KLHL32: variants seen among roughly 807,000 people sequenced by gnomAD.
KLHL32 encodes the protein kelch-like protein 32.
In KLHL32, 35 loss-of-function variants were observed where a neutral mutation model predicts 64.8. That is an observed-to-expected ratio of 0.54 (90% confidence interval 0.41 to 0.72). The LOEUF (loss-of-function observed/expected upper bound fraction) is 0.72. Ranked by LOEUF, KLHL32 falls within the 30% of genes least tolerant of loss-of-function variation. The pLI is 0.00. For synonymous variants in KLHL32, 259 were observed against 281.0 expected (o/e 0.92, Z 0.78); for missense variants, 589 against 768.5 (o/e 0.77, Z 2.76).
chr6:96,988,546 C>T (rs78227490), intron 3 of KLHL32, among the ~76,000 whole-genome samples: 2,454 of 152,162 alleles, frequency 0.016, 24 homozygotes, highest in Admixed American at 0.027. Context: ...GTCAGTGTGG[C>T]GATTCCTCAG....
intron 6 of KLHL32, among the ~76,000 whole-genome samples, chr6:97,104,180 T>C (rs1295318435): frequency 6.6e-6 from 1 of 152,228 alleles, no homozygotes; most frequent in Non-Finnish European, 1.5e-5. Flanking sequence ...AAATCCTCTT[T>C]TGTTATTGTT....
At chr6:96,931,276 T>C (rs1769852661) in intron 1 of KLHL32, among the ~76,000 whole-genome samples, 1 of 152,226 alleles carries the variant, frequency 6.6e-6, no homozygotes. Context: ...TTCTTCTGTG[T>C]TGAAATATCA....
chr6:97,040,124 A>G (rs1213537520), intron 3 of KLHL32, among the ~76,000 whole-genome samples: 5 of 152,152 alleles, frequency 3.3e-5, no homozygotes, highest in Non-Finnish European at 7.3e-5. Flanking sequence ...TTCAGCATGA[A>G]CTAAATACCA....
At chr6:96,999,564 T>A in intron 3 of KLHL32, 1 of 971,760 alleles carries the variant, frequency 1.0e-6, no homozygotes, top group Non-Finnish European at 1.2e-6. Flanking sequence ...ATCCAGGTAT[T>A]AGGACCATTT....
intron 3 of KLHL32, among the ~76,000 whole-genome samples, chr6:97,033,483 A>G (rs1267245441): frequency 6.6e-6 from 1 of 152,124 alleles, no homozygotes; most frequent in Non-Finnish European, 1.5e-5. Context: ...TGCTGTAATA[A>G]CCATGGGAGT....
At chr6:96,930,594 A>T (rs995368720) in intron 1 of KLHL32, among the ~76,000 whole-genome samples, 3 of 152,040 alleles carry the variant, frequency 2.0e-5, no homozygotes, top group East Asian at 3.9e-4. Flanking sequence ...CCTCAAAATG[A>T]TGGTGGAATT....
chr6:96,959,223 G>T (rs776317612), intron 1 of KLHL32, among the ~76,000 whole-genome samples: 1 of 152,160 alleles, frequency 6.6e-6, no homozygotes, highest in African/African-American at 2.4e-5. Flanking sequence ...CAGCATGCCT[G>T]TGGTCCAGCT....
intron 1 of KLHL32, among the ~76,000 whole-genome samples, chr6:96,936,616 C>T (rs1416429850): frequency 6.6e-6 from 1 of 152,204 alleles, no homozygotes; most frequent in East Asian, 1.9e-4. Context: ...GTCAACATTA[C>T]CTGTTGCTTA....
intron 3 of KLHL32, among the ~76,000 whole-genome samples, chr6:97,026,056 GTAAAATATAATTATATAAAT>G (rs1356193227): frequency 1.3e-5 from 2 of 151,886 alleles, no homozygotes; most frequent in Non-Finnish European, 2.9e-5. Context: ...TGGGTAATAT[GTAAAATATAATTATATAAAT>G]TTTGAGAAAT....
rs142909118 is a variant in KLHL32 at position 97,012,319 on chromosome 6, G to A, written c.205-29173G>A. On this transcript the variant is annotated intron_variant, in intron 3 of 10. Coordinates refer to ENST00000369261, the MANE Select transcript of KLHL32 (RefSeq NM_052904.4). ...CAAAGTCCTAAAGATAGAAGAAAGA[G>A]TCAGCAGAGTCACAGTCAGAGGAGT... 4.2e-3 allele frequency among the ~76,000 whole-genome samples: 640 copies of A among 152,308 alleles called. 1 individual carries two copies. The highest frequency in any genetic ancestry group is 6.1e-3 in the Non-Finnish European group (416 of 68,028).
At chr6:96,907,898 T>C in the KLHL32 span, among the ~76,000 whole-genome samples, 1 of 152,354 alleles carries the variant, frequency 6.6e-6, no homozygotes, top group South Asian at 2.1e-4. Context: ...ATAGCTCTTC[T>C]TTGTATGTGA....
chr6:97,098,369 AT>A (rs1036781537), intron 6 of KLHL32, among the ~76,000 whole-genome samples: 8 of 151,284 alleles, frequency 5.3e-5, no homozygotes, highest in African/African-American at 7.3e-5. Flanking sequence ...TGTCTTCATT[AT>A]TTTTTTTTCC....
At chr6:97,029,800 A>G (rs746242318) in intron 3 of KLHL32, among the ~76,000 whole-genome samples, 1 of 152,356 alleles carries the variant, frequency 6.6e-6, no homozygotes, top group South Asian at 2.1e-4. Context: ...CCAAAATGTA[A>G]TAAAGGCTAA....
At chr6:96,981,229 A>G (rs547543790) in intron 3 of KLHL32, among the ~76,000 whole-genome samples, 18 of 152,264 alleles carry the variant, frequency 1.2e-4, no homozygotes, top group South Asian at 6.2e-4. Context: ...TACTGATTCA[A>G]TTTTGGAACT....
chr6:96,947,344 A>T (rs1217491380), intron 1 of KLHL32, among the ~76,000 whole-genome samples: 1 of 152,220 alleles, frequency 6.6e-6, no homozygotes, highest in Non-Finnish European at 1.5e-5. Context: ...CAATTCATGA[A>T]TTGTTCATTG....
At chr6:96,998,029 C>T (rs375947129) in intron 3 of KLHL32, among the ~76,000 whole-genome samples, 2 of 152,278 alleles carry the variant, frequency 1.3e-5, no homozygotes, top group African/African-American at 2.4e-5. Context: ...TAAATGGCAG[C>T]ATAACATTGA....
intron 2 of KLHL32, among the ~76,000 whole-genome samples, chr6:96,972,093 C>T (rs1775178088): frequency 1.3e-5 from 2 of 152,128 alleles, no homozygotes. Context: ...CTCAGATGAT[C>T]CGCCCACTTT....
intron 6 of KLHL32, among the ~76,000 whole-genome samples, chr6:97,101,983 C>G (rs1795786496): frequency 6.6e-6 from 1 of 152,158 alleles, no homozygotes; most frequent in African/African-American, 2.4e-5. Context: ...AAATTCTGTA[C>G]ATTGTCTAAA....
At chr6:96,943,059 ACACACACACACT>A (rs1771512672) in intron 1 of KLHL32, among the ~76,000 whole-genome samples, 4 of 151,808 alleles carry the variant, frequency 2.6e-5, no homozygotes, top group Admixed American at 1.3e-4. Flanking sequence ...ACACACACAC[ACACACACACACT>A]CTGTACATAC....
Sources: allele counts gnomAD v4.1 joint callset (sites outside exome capture counted in the v4.1 genomes callset), GRCh38; gene constraint gnomAD v4.1.1; transcripts MANE v1.5; gene names NCBI Gene and HGNC (gene_info 2026-07-23, HGNC 2026-07-21).